The following GPM6B variants were observed in gnomAD, a reference collection of about 807,000 sequenced individuals.
GPM6B encodes glycoprotein M6B.
A neutral mutation model predicts 27.2 loss-of-function variants in GPM6B; 4 were observed. The ratio of observed to expected loss-of-function variants is 0.15; its 90% CI spans 0.07 to 0.34. The LOEUF (loss-of-function observed/expected upper bound fraction) is 0.34. Ranked by LOEUF, GPM6B falls within the 10% of genes least tolerant of loss-of-function variation. GPM6B has a pLI of 1.00. For synonymous variants in GPM6B, 124 were observed against 103.1 expected (o/e 1.20, Z -1.23); for missense variants, 183 against 261.9 (o/e 0.70, Z 2.08).
chrX:13,837,710 T>TGGGGGGGG (rs771546203), intron 1 of GPM6B, among the ~76,000 whole-genome samples: 8 of 11,371 alleles, frequency 7.0e-4, no homozygotes, highest in Non-Finnish European at 2.0e-3. Flanking sequence ...AGCAAGTTGG[T>TGGGGGGGG]GGGGGGGGGG....
At chrX:13,848,581 A>C (rs1042281816) in intron 1 of GPM6B, among the ~76,000 whole-genome samples, 1 of 112,288 alleles carries the variant, frequency 8.9e-6, no homozygotes, top group African/African-American at 3.2e-5. Context: ...ACAAACTAGA[A>C]TGGCTATAAG....
intron 1 of GPM6B, among the ~76,000 whole-genome samples, chrX:13,829,084 C>T (rs2049409133): frequency 9.0e-6 from 1 of 111,688 alleles, no homozygotes; most frequent in Non-Finnish European, 1.9e-5. Context: ...GATTCCAGGT[C>T]ACCACCAAAG....
chrX:13,833,671 T>A (rs1716947597), intron 1 of GPM6B, among the ~76,000 whole-genome samples: 1 of 111,421 alleles, frequency 9.0e-6, no homozygotes, highest in South Asian at 3.8e-4. Flanking sequence ...AGGCTGCAGT[T>A]AGCCATGATC....
At chrX:13,814,130 T>C (rs186166615) in intron 1 of GPM6B, among the ~76,000 whole-genome samples, 72 of 112,631 alleles carry the variant, frequency 6.4e-4, no homozygotes, top group African/African-American at 2.1e-3. Context: ...GGTTGTGTTG[T>C]CCCGCTGAAA....
rs1311375694 is a variant in GPM6B at position 13,860,849 on chromosome X, C to T, written c.-197-75041G>A. Among the ~76,000 whole-genome samples the T allele has an allele frequency of 3.7e-5, 4 of 108,887 alleles. No individual in the cohort carries two copies. In the East Asian group the frequency reaches 8.7e-4, roughly 24 times the overall value. 94.6% of individuals were successfully genotyped at this position (108,887 alleles called of 115,157 possible). On this transcript the variant is annotated intron_variant, in intron 1 of 6. Coordinates refer to the GPM6B transcript ENST00000398361. ...TTCTTATGCCTTTGCATCCTCATAA[C>T]TTAGCTCCCACATACAACTGAGAAC...
chrX:13,912,209 T>G (rs2050384390), intron 1 of GPM6B, among the ~76,000 whole-genome samples: 1 of 112,271 alleles, frequency 8.9e-6, no homozygotes, highest in African/African-American at 3.2e-5. Context: ...AAATATTAAC[T>G]TCTATTTCTA....
rs766428653 is a variant in GPM6B, at chrX:13,814,368, A to G, written c.61+2476T>C. On this transcript the variant is annotated intron_variant, in intron 1 of 7. Transcript: ENST00000316715. Reference sequence around the variant, plus strand: ...AGGAGAAACACAGGAAAAAAAATATATATGTGCATAAAAAACTCTGCGTAA... The same window carrying G: ...AGGAGAAACACAGGAAAAAAAATATGTATGTGCATAAAAAACTCTGCGTAA... Among the ~76,000 whole-genome samples, 194 of 112,205 alleles carry G rather than the reference A, an allele frequency of 1.7e-3. 1 individual carries two copies. The highest frequency in any genetic ancestry group is 2.9e-3 in the Non-Finnish European group (153 of 53,223).
At chrX:13,872,036 T>C (rs113655397) in intron 1 of GPM6B, among the ~76,000 whole-genome samples, 1,906 of 111,306 alleles carry the variant, frequency 0.017, 44 homozygotes, top group African/African-American at 0.059. Flanking sequence ...ATAGAGAAAA[T>C]TGAGGTGGTG....
chrX:13,771,835 A>G lies in GPM6B; in HGVS notation c.*1046T>C, dbSNP rs756693235. The G allele has an allele frequency of 2.4e-4, 27 of 112,565 alleles. No homozygotes were observed. The East Asian group carries it at 7.5e-3, about 31-fold the overall frequency. 9.3% of individuals were successfully genotyped at this position (112,565 alleles called of 1,213,427 possible). A position where few individuals can be genotyped will look rare whatever the true frequency, so the allele number is the denominator to read the frequency against. On this transcript the variant is annotated 3_prime_UTR_variant, in exon 8 of 8. Transcript: ENST00000316715. ...CAGGAAACTAAGATTTAGATAAGAAAAAAATGAAATACCAACCCTAATTTA... is the reference window on the plus strand; with the variant it reads ...CAGGAAACTAAGATTTAGATAAGAAGAAAATGAAATACCAACCCTAATTTA...
chrX:13,926,054 C>CAAAAAAAAAAAAAAAA lies in GPM6B; in HGVS notation c.-198+12272_-198+12273insTTTTTTTTTTTTTTTT, dbSNP rs772441542. Among the ~76,000 whole-genome samples, 139 of 99,171 alleles carry CAAAAAAAAAAAAAAAA rather than the reference C, an allele frequency of 1.4e-3. 3 individuals are homozygous for CAAAAAAAAAAAAAAAA. Among genetic ancestry groups the CAAAAAAAAAAAAAAAA allele is most frequent in the African/African-American group, 5.0e-3 (130 of 26,174 alleles). 86.1% of individuals were successfully genotyped at this position (99,171 alleles called of 115,157 possible). A position where few individuals can be genotyped will look rare whatever the true frequency, so the allele number is the denominator to read the frequency against. On this transcript the variant is annotated intron_variant, in intron 1 of 6. Transcript: ENST00000398361. ...TGGGCAACAGAGCGAGACTCCATCT[C>CAAAAAAAAAAAAAAAA]AAAAAAAAAAAATTATTCTATAAGT... is the stretch of plus-strand genomic sequence containing the variant.
At chrX:13,915,841 G>A (rs1312435566) in intron 1 of GPM6B, among the ~76,000 whole-genome samples, 1 of 112,092 alleles carries the variant, frequency 8.9e-6, no homozygotes, top group Non-Finnish European at 1.9e-5. Context: ...ACGTATATGT[G>A]TGTGTATATA....
chrX:13,853,789 C>A (rs2049749413), intron 1 of GPM6B, among the ~76,000 whole-genome samples: 1 of 110,259 alleles, frequency 9.1e-6, no homozygotes, highest in Non-Finnish European at 1.9e-5. Flanking sequence ...ATGGAGGCAC[C>A]CTCTGCCTAA....
intron 1 of GPM6B, among the ~76,000 whole-genome samples, chrX:13,846,933 A>T (rs1319483399): frequency 9.2e-6 from 1 of 109,116 alleles, no homozygotes; most frequent in Non-Finnish European, 1.9e-5. Context: ...TCATGCACGT[A>T]TGAGGAGGGT....
chrX:13,870,981 C>A (rs1029402718), intron 1 of GPM6B, among the ~76,000 whole-genome samples: 1 of 110,495 alleles, frequency 9.1e-6, no homozygotes, highest in Non-Finnish European at 1.9e-5. Flanking sequence ...TGAAGTAGAT[C>A]ACTTGGGCCC....
At chrX:13,848,122 GCCCATGGTCATGT>G (rs2147237804) in intron 1 of GPM6B, among the ~76,000 whole-genome samples, 1 of 112,096 alleles carries the variant, frequency 8.9e-6, no homozygotes. Context: ...AAGCCGTCTT[GCCCATGGTCATGT>G]CCCTGGCTCA....
At chrX:13,831,177 T>TACACACACACACACAC (rs536337642) in intron 1 of GPM6B, among the ~76,000 whole-genome samples, 13 of 81,635 alleles carry the variant, frequency 1.6e-4, no homozygotes, top group African/African-American at 5.6e-4. Context: ...AAGAGCTCAG[T>TACACACACACACACAC]ACACACACAC....
At chrX:13,912,574 A>T (rs2050387399) in intron 1 of GPM6B, among the ~76,000 whole-genome samples, 1 of 97,188 alleles carries the variant, frequency 1.0e-5, no homozygotes, top group Admixed American at 1.1e-4. Flanking sequence ...CAACTGGAAA[A>T]AGGTCAGTAT....
At chrX:13,837,936 T>TA (rs1056331473) in intron 1 of GPM6B, among the ~76,000 whole-genome samples, 3 of 109,586 alleles carry the variant, frequency 2.7e-5, no homozygotes, top group Admixed American at 9.7e-5. Flanking sequence ...ATTCTTTGAT[T>TA]AAAAAAAAAT....
intron 1 of GPM6B, among the ~76,000 whole-genome samples, chrX:13,925,070 G>C (rs1921101908): frequency 8.9e-6 from 1 of 111,864 alleles, no homozygotes; most frequent in Non-Finnish European, 1.9e-5. Context: ...TTCTCTTCCA[G>C]GAAGAGATGA....
Sources: gnomAD v4.1 joint callset for allele counts (sites outside exome capture counted in the v4.1 genomes callset) on GRCh38, gnomAD v4.1.1 for gene constraint, MANE v1.5 for transcripts, NCBI Gene and HGNC (gene_info 2026-07-23, HGNC 2026-07-21) for gene names.